SYNJ2BP: variants seen among roughly 807,000 people sequenced by gnomAD.
SYNJ2BP encodes the protein synaptojanin-2-binding protein.
Under a neutral mutation model 16.9 loss-of-function variants are expected in SYNJ2BP, and 10 were observed. The observed-to-expected ratio is 0.59, with a 90% CI of 0.36 to 1.00. The LOEUF (loss-of-function observed/expected upper bound fraction) is 1.00, where lower values mean the gene tolerates loss of function less well. Among genes scored for constraint, SYNJ2BP ranks in the 50% least tolerant of loss-of-function variants. The pLI, the probability that SYNJ2BP is intolerant of heterozygous loss-of-function variation, is 0.01. For synonymous variants in SYNJ2BP, 54 were observed against 68.4 expected, an observed-to-expected ratio of 0.79 and a Z score of 1.04; for missense variants, 162 against 186.7, an observed-to-expected ratio of 0.87 and a Z score of 0.77.
chr14:70,382,419 T>G (rs2140823355), intron 2 of SYNJ2BP, among the ~76,000 whole-genome samples: 1 of 152,328 alleles, frequency 6.6e-6, no homozygotes, highest in South Asian at 2.1e-4. Flanking sequence ...GGTTATAATT[T>G]AAAAGGTCTG....
intron 1 of SYNJ2BP, among the ~76,000 whole-genome samples, chr14:70,397,849 G>A (rs1320527459): frequency 6.6e-6 from 1 of 150,482 alleles, no homozygotes; most frequent in African/African-American, 2.4e-5. Context: ...CAACCAGGAA[G>A]AATGAGATAC....
chr14:70,395,734 T>C (rs1032642399), intron 1 of SYNJ2BP, among the ~76,000 whole-genome samples: 13 of 152,328 alleles, frequency 8.5e-5, no homozygotes, highest in African/African-American at 3.1e-4. Flanking sequence ...ACCACCTATA[T>C]CTGGAACTTT....
In SYNJ2BP at chr14:70,369,852, C is replaced by T. The variant is rs1887479978; in HGVS notation, c.*3139G>A. ...GAAATGTTTTAAGTACTTAAAAATA[C>T]CTTCGTTCAATTTTCAAAACTTTGA... On this transcript the variant is annotated 3_prime_UTR_variant, in exon 4 of 4. Transcript: ENST00000256366. The T allele has an allele frequency of 6.6e-6, 1 of 152,140 alleles. No homozygotes were observed. Among genetic ancestry groups the T allele is most frequent in the African/African-American group, 2.4e-5 (1 of 41,434 alleles). The allele number at this position is 152,140 out of a possible 1,614,324, so 9.4% of individuals were successfully genotyped here.
At chr14:70,383,469 T>C (rs1230046728) in intron 2 of SYNJ2BP, among the ~76,000 whole-genome samples, 1 of 152,214 alleles carries the variant, frequency 6.6e-6, no homozygotes, top group Admixed American at 6.5e-5. Context: ...TTAAAAACTG[T>C]ACTCACACAG....
intron 1 of SYNJ2BP, among the ~76,000 whole-genome samples, chr14:70,406,302 A>G (rs1231052519): frequency 2.0e-5 from 3 of 152,226 alleles, no homozygotes; most frequent in Non-Finnish European, 4.4e-5. Context: ...TGAGAAAATT[A>G]TGATGGTGAA....
At chr14:70,375,895 G>A (rs1189525972) in intron 2 of SYNJ2BP, 124 bp from the exon 3 acceptor site, 4 of 1,203,858 alleles carry the variant, frequency 3.3e-6, no homozygotes, top group Non-Finnish European at 4.5e-6. Flanking sequence ...CTAGGAGTAT[G>A]GGCAAAGTTA....
intron 3 of SYNJ2BP, 39 bp from the exon 4 acceptor site, chr14:70,373,170 G>A (rs775013253): frequency 9.9e-6 from 16 of 1,609,632 alleles, no homozygotes; most frequent in Non-Finnish European, 1.3e-5. Context: ...AGTGACTAAT[G>A]TGTGTTTGCA....
intron 2 of SYNJ2BP, among the ~76,000 whole-genome samples, chr14:70,387,923 G>A (rs1887896083): frequency 6.6e-6 from 1 of 151,796 alleles, no homozygotes; most frequent in African/African-American, 2.4e-5. Context: ...TGTCTTCGTA[G>A]AGACATTAGC....
Position 70,367,552 on chromosome 14 carries a change from A to G in SYNJ2BP, c.*5439T>C, listed in dbSNP as rs1359223494. 1 of 114,796 alleles carries G rather than the reference A, an allele frequency of 8.7e-6. No individual in the cohort carries two copies. The highest frequency in any genetic ancestry group is 1.7e-5 in the Non-Finnish European group (1 of 60,546). 7.1% of individuals were successfully genotyped at this position (114,796 alleles called of 1,614,324 possible). A position where few individuals can be genotyped will look rare whatever the true frequency, so the allele number is the denominator to read the frequency against. ...ACTCCAGCCTAGGCGACAGAGCAAG[A>G]CTCCGTCTCAAAAAAAAAAAAAAAA... On this transcript the variant is annotated 3_prime_UTR_variant, in exon 4 of 4. Transcript: ENST00000256366.
In SYNJ2BP at chr14:70,403,463, C is replaced by T. The variant is rs549236445; in HGVS notation, c.64+13437G>A. On this transcript the variant is annotated intron_variant, in intron 1 of 3. Coordinates refer to ENST00000256366, the MANE Select transcript of SYNJ2BP (RefSeq NM_018373.3). The stretch of plus-strand genomic sequence containing the variant: ...CATGGCGTGAAAAAGAAGTTTGGCA[C>T]GAGATACAGGTCATGAAAAACTTGC... 6.6e-5 allele frequency among the ~76,000 whole-genome samples: 10 copies of T among 152,238 alleles called. No homozygotes were observed. In the East Asian group the frequency reaches 1.5e-3, roughly 24 times the overall value.
intron 1 of SYNJ2BP, among the ~76,000 whole-genome samples, chr14:70,413,344 T>G (rs145039353): frequency 6.6e-6 from 1 of 152,312 alleles, no homozygotes; most frequent in Non-Finnish European, 1.5e-5. Context: ...CCATTGAAAG[T>G]AGTGGTACTT....
chr14:70,397,569 T>G (rs939754233), intron 1 of SYNJ2BP, among the ~76,000 whole-genome samples: 1 of 152,202 alleles, frequency 6.6e-6, no homozygotes, highest in Non-Finnish European at 1.5e-5. Context: ...AGGCTACAGC[T>G]GGACCAGGCG....
At chr14:70,381,025 C>G (rs1245847558) in intron 2 of SYNJ2BP, among the ~76,000 whole-genome samples, 1 of 152,192 alleles carries the variant, frequency 6.6e-6, no homozygotes. Context: ...ATAAATAGCA[C>G]ATGCTTTCCT....
At position 70,379,315 on chromosome 14, in the gene SYNJ2BP, G is replaced by A. The variant is rs530191134; in HGVS notation, c.202-3544C>T. Among the ~76,000 whole-genome samples the A allele has an allele frequency of 5.9e-5, 9 of 152,226 alleles. No individual in the cohort carries two copies. The South Asian group carries it at 1.5e-3, about 25-fold the overall frequency. On this transcript the variant is annotated intron_variant, in intron 2 of 3. Coordinates refer to ENST00000256366, the MANE Select transcript of SYNJ2BP (RefSeq NM_018373.3). ...GGAGCAAGGAAAGAGTACATACCTCGTTTCTTATGCTGATATGGAAAGTCT... is the reference window on the plus strand; with the variant it reads ...GGAGCAAGGAAAGAGTACATACCTCATTTCTTATGCTGATATGGAAAGTCT...
intron 1 of SYNJ2BP, among the ~76,000 whole-genome samples, chr14:70,399,016 C>T (rs1422904312): frequency 1.3e-5 from 2 of 152,156 alleles, no homozygotes; most frequent in Non-Finnish European, 2.9e-5. Flanking sequence ...CACCCAGATG[C>T]AGGGTGGACC....
intron 1 of SYNJ2BP, among the ~76,000 whole-genome samples, chr14:70,414,515 G>A (rs530128307): frequency 6.6e-6 from 1 of 152,284 alleles, no homozygotes; most frequent in East Asian, 1.9e-4. Flanking sequence ...CAAAAAAGAT[G>A]AAGTGATATT....
Position 70,372,994 on chromosome 14 carries a change from A to T in SYNJ2BP, c.435T>A (p.Leu145=). Residue 145 remains leucine, a synonymous_variant, in exon 4 of 4, where the codon CTT becomes CTA. Coordinates refer to ENST00000256366, the MANE Select transcript of SYNJ2BP (RefSeq NM_018373.3). Reference sequence around the variant, plus strand: ...GTATTGAAAGAGAGCAAGTTTTTCAAAGTTGTTGCCGGTATCTCATGAAAG... The same window carrying T: ...GTATTGAAAGAGAGCAAGTTTTTCATAGTTGTTGCCGGTATCTCATGAAAG... ...AWAFMRYRQQ[L] is the part of the protein sequence containing the mutation. 6.2e-7 allele frequency: 1 copy of T among 1,614,072 alleles called. No homozygotes were observed. The highest frequency in any genetic ancestry group is 1.1e-5 in the South Asian group (1 of 91,078).
chr14:70,411,845 A>G (rs954170212), intron 1 of SYNJ2BP, among the ~76,000 whole-genome samples: 2 of 152,160 alleles, frequency 1.3e-5, no homozygotes, highest in African/African-American at 2.4e-5. Context: ...TTCCTTAACT[A>G]TCTGCACCTT....
At chr14:70,381,753 C>T (rs1418579292) in intron 2 of SYNJ2BP, among the ~76,000 whole-genome samples, 1 of 152,224 alleles carries the variant, frequency 6.6e-6, no homozygotes, top group Non-Finnish European at 1.5e-5. Flanking sequence ...CAAAGTGATT[C>T]TCAAGTCTGA....
Sources: gnomAD v4.1 joint callset for allele counts (sites outside exome capture counted in the v4.1 genomes callset) on GRCh38, gnomAD v4.1.1 for gene constraint, MANE v1.5 for transcripts, NCBI Gene and HGNC (gene_info 2026-07-23, HGNC 2026-07-21) for gene names.